Variants in PDZRN4 observed in about 807,000 individuals in gnomAD.
PDZRN4 encodes PDZ domain containing ring finger 4.
PDZRN4 carries 70 observed loss-of-function variants against 99.0 expected under a neutral mutation model. That is an observed-to-expected ratio of 0.71 (90% confidence interval 0.58 to 0.86). The LOEUF (loss-of-function observed/expected upper bound fraction) is 0.86. PDZRN4 is among the 40% of genes least tolerant of loss of function. The pLI, the probability that PDZRN4 is intolerant of heterozygous loss-of-function variation, is 0.00. For synonymous variants in PDZRN4, 551 were observed against 501.6 expected (o/e 1.10, Z -1.32); for missense variants, 1,474 against 1,331.2 (o/e 1.11, Z -1.67).
intron 3 of PDZRN4, among the ~76,000 whole-genome samples, chr12:41,419,019 A>AT (rs1952469513): frequency 6.6e-6 from 1 of 152,338 alleles, no homozygotes; most frequent in South Asian, 2.1e-4. Context: ...CCATTCAGAG[A>AT]TAAAGTAGGA....
intron 3 of PDZRN4, among the ~76,000 whole-genome samples, chr12:41,490,004 G>A (rs1281083656): frequency 6.7e-6 from 1 of 149,302 alleles, no homozygotes; most frequent in African/African-American, 2.5e-5. Context: ...AACTGATCTG[G>A]GCATTAAAAG....
chr12:41,299,186 C>T (rs762363240), intron 3 of PDZRN4, among the ~76,000 whole-genome samples: 5 of 152,022 alleles, frequency 3.3e-5, no homozygotes, highest in East Asian at 1.9e-4. Flanking sequence ...GCCATTTTCT[C>T]GAGCTGCTTT....
intron 3 of PDZRN4, among the ~76,000 whole-genome samples, chr12:41,272,751 C>A (rs1951322897): frequency 6.6e-6 from 1 of 152,024 alleles, no homozygotes; most frequent in Non-Finnish European, 1.5e-5. Flanking sequence ...AAAAACATTT[C>A]TATCTTTATT....
In PDZRN4 at chr12:41,509,210, C is replaced by A. The variant is rs569214612; in HGVS notation, c.1101-601C>A. Among the ~76,000 whole-genome samples, 3 of 152,046 alleles carry A rather than the reference C, an allele frequency of 2.0e-5. No homozygotes were observed. The East Asian group carries it at 5.8e-4, about 29-fold the overall frequency. Reference sequence around the variant, plus strand: ...CTTATAGGAGTTTCCACTGATTGATCGCCATGAATGTTCTTTAATATTTGT... The same window carrying A: ...CTTATAGGAGTTTCCACTGATTGATAGCCATGAATGTTCTTTAATATTTGT... On this transcript the variant is annotated intron_variant, in intron 4 of 9. Transcript: ENST00000402685.
chr12:41,295,948 C>T (rs1951490618), intron 3 of PDZRN4, among the ~76,000 whole-genome samples: 1 of 152,088 alleles, frequency 6.6e-6, no homozygotes, highest in Non-Finnish European at 1.5e-5. Flanking sequence ...ATGAAGCCTG[C>T]AGGCACAGAC....
chr12:41,500,436 C>A (rs937882598), intron 3 of PDZRN4, among the ~76,000 whole-genome samples: 1 of 152,000 alleles, frequency 6.6e-6, no homozygotes, highest in Non-Finnish European at 1.5e-5. Context: ...TTCCAAAAAT[C>A]CAATTATAGC....
chr12:41,279,220 A>C (rs1258862938), intron 3 of PDZRN4, among the ~76,000 whole-genome samples: 7 of 152,240 alleles, frequency 4.6e-5, no homozygotes, highest in African/African-American at 1.7e-4. Flanking sequence ...TCATTTATAA[A>C]ATAAGAATGC....
chr12:41,488,219 A>G (rs1449335025), intron 3 of PDZRN4, among the ~76,000 whole-genome samples: 1 of 152,206 alleles, frequency 6.6e-6, no homozygotes, highest in Non-Finnish European at 1.5e-5. Context: ...AAGTGTACGG[A>G]TAATCAACAT....
chr12:41,288,987 A>G (rs888202913), intron 3 of PDZRN4, among the ~76,000 whole-genome samples: 3 of 152,044 alleles, frequency 2.0e-5, no homozygotes, highest in East Asian at 3.8e-4. Flanking sequence ...ATTTTCTCCT[A>G]TGGTAACAAA....
At chr12:41,239,095 T>C (rs926857062) in intron 3 of PDZRN4, among the ~76,000 whole-genome samples, 9 of 152,136 alleles carry the variant, frequency 5.9e-5, no homozygotes, top group Non-Finnish European at 5.9e-5. Context: ...TGGATAAAGA[T>C]AATGTGGTAA....
chr12:41,527,799 T>C (rs1938595202), intron 5 of PDZRN4, among the ~76,000 whole-genome samples: 1 of 152,192 alleles, frequency 6.6e-6, no homozygotes, highest in Non-Finnish European at 1.5e-5. Flanking sequence ...GGCTTATTTG[T>C]AACGGCACAG....
chr12:41,516,328 G>C (rs1311748449), intron 5 of PDZRN4, among the ~76,000 whole-genome samples: 1 of 152,014 alleles, frequency 6.6e-6, no homozygotes, highest in Non-Finnish European at 1.5e-5. Flanking sequence ...CACATGCCCT[G>C]GCACACAGTG....
intron 3 of PDZRN4, among the ~76,000 whole-genome samples, chr12:41,212,114 T>G (rs758433368): frequency 1.3e-5 from 2 of 151,986 alleles, no homozygotes; most frequent in Non-Finnish European, 2.9e-5. Flanking sequence ...CAATCTTGCC[T>G]TATACCAGTA....
chr12:41,340,392 T>C (rs868149565), intron 3 of PDZRN4, among the ~76,000 whole-genome samples: 2 of 151,874 alleles, frequency 1.3e-5, no homozygotes, highest in South Asian at 2.1e-4. Flanking sequence ...ATTGAACTTA[T>C]GGAGATGGAG....
At chr12:41,218,479 A>G (rs1950934846) in intron 3 of PDZRN4, among the ~76,000 whole-genome samples, 1 of 151,652 alleles carries the variant, frequency 6.6e-6, no homozygotes, top group Admixed American at 6.6e-5. Context: ...TGCATCTCAT[A>G]TTCTTGTGCT....
At chr12:41,331,494 C>A (rs896465424) in intron 3 of PDZRN4, among the ~76,000 whole-genome samples, 1 of 151,954 alleles carries the variant, frequency 6.6e-6, no homozygotes, top group Admixed American at 6.6e-5. Context: ...TTGGCATTTA[C>A]ATTTCTTAAA....
At chr12:41,246,861 A>G (rs1375794288) in intron 3 of PDZRN4, among the ~76,000 whole-genome samples, 1 of 152,222 alleles carries the variant, frequency 6.6e-6, no homozygotes, top group Non-Finnish European at 1.5e-5. Flanking sequence ...GCATTGCTCC[A>G]TACAGACATT....
chr12:41,506,504 G>C lies in PDZRN4; in HGVS notation c.892G>C (p.Ala298Pro). 6.2e-7 allele frequency: 1 copy of C among 1,613,730 alleles called. No homozygotes were observed. Among genetic ancestry groups the C allele is most frequent in the South Asian group, 1.1e-5 (1 of 91,062 alleles). Residue 298 changes from alanine (A) to proline (P), a missense_variant, in exon 4 of 10, where the codon GCT (alanine) becomes CCT (proline). Coordinates refer to ENST00000402685, the MANE Select transcript of PDZRN4 (RefSeq NM_001164595.2). ...GGCCACTCATGAAGAGGCAGTGGAA[G>C]CTTTTCGCAATGCCAAGGAGCCCAT... is the stretch of plus-strand genomic sequence containing the variant. ...SKATHEEAVE[A>P]FRNAKEPIVV...
intron 3 of PDZRN4, among the ~76,000 whole-genome samples, chr12:41,396,591 C>T (rs1012075125): frequency 8.5e-5 from 13 of 152,132 alleles, no homozygotes; most frequent in Non-Finnish European, 1.2e-4. Flanking sequence ...TCAGGCTCAA[C>T]GTCTCTTGTG....
Sources: allele counts gnomAD v4.1 joint callset (sites outside exome capture counted in the v4.1 genomes callset), GRCh38; gene constraint gnomAD v4.1.1; transcripts MANE v1.5; gene names NCBI Gene and HGNC (gene_info 2026-07-23, HGNC 2026-07-21).